LIMA1: variants seen among roughly 807,000 people sequenced by gnomAD.
LIMA1 encodes LIM domain and actin binding 1.
LIMA1 carries 52 observed loss-of-function variants against 62.6 expected under a neutral mutation model. The ratio of observed to expected loss-of-function variants is 0.83; its 90% confidence interval spans 0.67 to 1.05. The LOEUF (loss-of-function observed/expected upper bound fraction) is 1.05, where lower values mean the gene tolerates loss of function less well. Among genes scored for constraint, LIMA1 ranks in the 50% least tolerant of loss-of-function variants. LIMA1 has a pLI of 0.00. For missense variants in LIMA1, 780 were observed against 902.2 expected, an observed-to-expected ratio of 0.86 and a Z score of 1.74; for synonymous variants, 302 against 317.8, an observed-to-expected ratio of 0.95 and a Z score of 0.53.
intron 2 of LIMA1, among the ~76,000 whole-genome samples, chr12:50,232,141 C>T (rs563681240): frequency 6.7e-6 from 1 of 148,516 alleles, no homozygotes; most frequent in Non-Finnish European, 1.5e-5. Flanking sequence ...TTCACTGCAG[C>T]CTTGACCTCC....
chr12:50,191,888 C>T (rs1238763897), intron 9 of LIMA1, among the ~76,000 whole-genome samples: 1 of 151,390 alleles, frequency 6.6e-6, no homozygotes, highest in African/African-American at 2.4e-5. Flanking sequence ...TTACCCAGCA[C>T]TTTGGGAGGC....
intron 1 of LIMA1, among the ~76,000 whole-genome samples, chr12:50,265,445 G>C (rs1209297028): frequency 6.6e-6 from 1 of 151,760 alleles, no homozygotes; most frequent in Non-Finnish European, 1.5e-5. Context: ...GCTTGAACCA[G>C]GAAGGTGGAG....
intron 6 of LIMA1, chr12:50,201,896 C>T (rs1941058577): frequency 6.6e-6 from 1 of 152,084 alleles, no homozygotes; most frequent in Admixed American, 6.6e-5. Flanking sequence ...GAAACTCCAT[C>T]TCAAAATAAA....
chr12:50,242,476 C>A (rs1048190573), intron 2 of LIMA1, among the ~76,000 whole-genome samples: 2 of 151,978 alleles, frequency 1.3e-5, no homozygotes, highest in African/African-American at 2.4e-5. Flanking sequence ...TCTACCCGGC[C>A]TCCTCCTGTT....
intron 4 of LIMA1, among the ~76,000 whole-genome samples, chr12:50,215,840 G>A (rs1941335825): frequency 1.3e-5 from 2 of 151,988 alleles, no homozygotes; most frequent in African/African-American, 4.8e-5. Flanking sequence ...ACTTGAGGCT[G>A]GGAGTTCGAG....
chr12:50,176,926 A>G lies in LIMA1; in HGVS notation c.*138T>C. On this transcript the variant is annotated 3_prime_UTR_variant, in exon 11 of 11. Transcript: ENST00000341247. ...TTTTGTTTTGTTTTTGATTTTAAGA[A>G]GGAATTCTTTTCCAAAGTTACTTCC... 1.5e-6 allele frequency: 1 copy of G among 664,160 alleles called. No individual in the cohort carries two copies. Among genetic ancestry groups the G allele is most frequent in the Non-Finnish European group, 2.4e-6 (1 of 418,052 alleles). 41.1% of individuals were successfully genotyped at this position (664,160 alleles called of 1,614,324 possible).
Position 50,176,687 on chromosome 12 carries a change from A to G in LIMA1, c.*377T>C, listed in dbSNP as rs530856969. 1.8e-5 allele frequency: 3 copies of G among 166,130 alleles called. No homozygotes were observed. Among genetic ancestry groups the G allele is most frequent in the African/African-American group, 4.7e-5 (2 of 42,122 alleles). The allele number at this position is 166,130 out of a possible 1,614,324, so 10.3% of individuals were successfully genotyped here. A position where few individuals can be genotyped will look rare whatever the true frequency, so the allele number is the denominator to read the frequency against. ...GTTTAAGCCCCTAAATTCCTTCTGT[A>G]TGTTCTCTAATTCCAAAATAGTGTG... On this transcript the variant is annotated 3_prime_UTR_variant, in exon 11 of 11. Transcript: ENST00000341247.
rs577308413 is a variant in LIMA1, at chr12:50,241,933, A to ATTTTTTTTTTT, written c.119+6689_119+6699dup. On this transcript the variant is annotated intron_variant, in intron 2 of 10. Coordinates refer to ENST00000341247, the MANE Select transcript of LIMA1 (RefSeq NM_016357.5). ...AATTTTGTTCCTCTTTCCTTCCCAG[A>ATTTTTTTTTTT]TTTTTTTTTTTTTTTTTTTTTTTTT... Among the ~76,000 whole-genome samples the ATTTTTTTTTTT allele has an allele frequency of 1.2e-3, 42 of 36,432 alleles. 8 individuals carry two copies. Among genetic ancestry groups the ATTTTTTTTTTT allele is most frequent in the Non-Finnish European group, 1.5e-3 (31 of 20,246 alleles). The allele number at this position is 36,432 out of a possible 152,430, so 23.9% of individuals were successfully genotyped here. A position where few individuals can be genotyped will look rare whatever the true frequency, so the allele number is the denominator to read the frequency against.
intron 3 of LIMA1, among the ~76,000 whole-genome samples, chr12:50,225,150 C>T (rs958625653): frequency 2.6e-4 from 40 of 152,128 alleles, no homozygotes; most frequent in African/African-American, 7.5e-4. Flanking sequence ...GATCTGCCTG[C>T]CTCGGCCTCC....
At position 50,243,257 on chromosome 12, in the gene LIMA1, A is replaced by G. The variant is rs1306202038; in HGVS notation, c.119+5376T>C. 2.0e-5 allele frequency among the ~76,000 whole-genome samples: 3 copies of G among 152,236 alleles called. No homozygotes were observed. In the South Asian group the frequency reaches 6.2e-4, roughly 32 times the overall value. Reference sequence around the variant, plus strand: ...AAGTAAAGCTGACTTATCTACAAACATCAGCTAGATTAAGCTTCCTCCAAA... The same window carrying G: ...AAGTAAAGCTGACTTATCTACAAACGTCAGCTAGATTAAGCTTCCTCCAAA... On this transcript the variant is annotated intron_variant, in intron 2 of 10. Transcript: ENST00000341247.
intron 4 of LIMA1, chr12:50,217,759 C>A (rs959049836): frequency 8.9e-6 from 3 of 337,408 alleles, no homozygotes. Flanking sequence ...TCCTGACTAC[C>A]GTGCTGTGAA....
Position 50,193,672 on chromosome 12 carries a change from T to A in LIMA1, c.1031-1111A>T, listed in dbSNP as rs1327784985. ...TGTGTATATATATATATATATTTTT[T>A]TTTTTTTTTTTTTTCAGAGTCTCAC... On this transcript the variant is annotated intron_variant, in intron 8 of 10. Coordinates refer to ENST00000341247, the MANE Select transcript of LIMA1 (RefSeq NM_016357.5). Among the ~76,000 whole-genome samples the A allele has an allele frequency of 9.7e-3, 1,196 of 122,946 alleles. 35 individuals are homozygous for A. The highest frequency in any genetic ancestry group is 0.047 in the East Asian group (199 of 4,264). The allele number at this position is 122,946 out of a possible 152,430, so 80.7% of individuals were successfully genotyped here.
chr12:50,267,343 T>C (rs900725061), intron 1 of LIMA1, among the ~76,000 whole-genome samples: 2 of 151,952 alleles, frequency 1.3e-5, no homozygotes, highest in African/African-American at 2.4e-5. Context: ...AGTGCTGGGA[T>C]TACAGACGTG....
In LIMA1 at chr12:50,177,252, A is replaced by C. The variant is rs755131736; in HGVS notation, c.2092T>G (p.Ser698Ala). ...EDDNSFLKQQSPQEPKSLNWS... is the reference protein window; with the variant it reads ...EDDNSFLKQQAPQEPKSLNWS... ...TTCAGAGACTTGGGTTCTTGTGGAGATTGTTGTTTGAGGAAGCTGTTATCA... is the reference window on the plus strand; with the variant it reads ...TTCAGAGACTTGGGTTCTTGTGGAGCTTGTTGTTTGAGGAAGCTGTTATCA... Residue 698 changes from serine (S) to alanine (A), a missense_variant, in exon 11 of 11, where the codon TCT (serine) becomes GCT (alanine). Ser to Ala is a moderately conservative substitution (Grantham distance 99). Transcript: ENST00000341247. The C allele has an allele frequency of 6.2e-7, 1 of 1,613,896 alleles. No individual in the cohort carries two copies. Among genetic ancestry groups the C allele is most frequent in the Non-Finnish European group, 8.5e-7 (1 of 1,179,958 alleles).
chr12:50,183,764 T>C (rs537169926), intron 9 of LIMA1, among the ~76,000 whole-genome samples: 3 of 139,202 alleles, frequency 2.2e-5, no homozygotes, highest in Non-Finnish European at 3.0e-5. Flanking sequence ...TGAGCCGAGA[T>C]TGAGCCACTG....
chr12:50,198,749 G>A (rs918011293), intron 7 of LIMA1, among the ~76,000 whole-genome samples: 4 of 152,196 alleles, frequency 2.6e-5, no homozygotes, highest in African/African-American at 4.8e-5. Context: ...TTTAACATTC[G>A]ATTATCATAT....
intron 1 of LIMA1, among the ~76,000 whole-genome samples, chr12:50,258,300 TTGTGTG>T (rs35111001): frequency 6.7e-5 from 10 of 150,220 alleles, no homozygotes; most frequent in African/African-American, 1.5e-4. Context: ...ACACTGCTTT[TTGTGTG>T]TGTGTGTGTG....
At chr12:50,214,972 T>C (rs1481237055) in intron 4 of LIMA1, among the ~76,000 whole-genome samples, 1 of 152,142 alleles carries the variant, frequency 6.6e-6, no homozygotes, top group African/African-American at 2.4e-5. Flanking sequence ...AGATAAGATG[T>C]TATGAATAAT....
intron 5 of LIMA1, 105 bp from the exon 6 acceptor site, chr12:50,204,805 G>A (rs770240442): frequency 7.4e-6 from 8 of 1,087,142 alleles, no homozygotes; most frequent in Admixed American, 6.0e-5. Flanking sequence ...CTACAGCCTC[G>A]AACTCCTGAG....
Sources: gnomAD v4.1 joint callset for allele counts (sites outside exome capture counted in the v4.1 genomes callset) on GRCh38, gnomAD v4.1.1 for gene constraint, MANE v1.5 for transcripts, NCBI Gene and HGNC (gene_info 2026-07-23, HGNC 2026-07-21) for gene names.